The following PXMP2 variants were observed in gnomAD, a reference collection of about 807,000 sequenced individuals.
The protein encoded by PXMP2 is 22 kDa peroxisomal membrane protein.
PXMP2 carries 13 observed loss-of-function variants against 20.2 expected under a neutral mutation model. The ratio of observed to expected loss-of-function variants is 0.64; its 90% CI spans 0.42 to 1.02. PXMP2 has a LOEUF of 1.02. Ranked by LOEUF, PXMP2 falls within the 50% of genes least tolerant of loss-of-function variation. The probability of loss-of-function intolerance (pLI) is 0.00; values close to 1 mark genes in which losing one functional copy is unlikely to be tolerated. For synonymous variants in PXMP2, 113 were observed against 111.2 expected (o/e 1.02, Z -0.10); for missense variants, 284 against 251.8 (o/e 1.13, Z -0.87).
Position 132,687,768 on chromosome 12 carries a change from C to G in PXMP2, c.98C>G (p.Pro33Arg), listed in dbSNP as rs1450362330. 3 of 1,188,644 alleles carry G rather than the reference C, an allele frequency of 2.5e-6. No homozygotes were observed. The highest frequency in any genetic ancestry group is 4.1e-5 in the East Asian group (1 of 24,610). 73.6% of individuals were successfully genotyped at this position (1,188,644 alleles called of 1,614,324 possible). A position where few individuals can be genotyped will look rare whatever the true frequency, so the allele number is the denominator to read the frequency against. ...AQYLLFLRLY[P>R]VLTKAATSGI... Reference sequence around the variant, plus strand: ...TACCTGCTCTTCCTGCGGCTCTACCCGGTGCTCACCAAGGCGGCCACCAGG... The same window carrying G: ...TACCTGCTCTTCCTGCGGCTCTACCGGGTGCTCACCAAGGCGGCCACCAGG... Residue 33 changes from proline to arginine, a missense_variant, in exon 1 of 5, where the codon CCG (proline) becomes CGG (arginine). Pro to Arg is a moderately radical substitution (Grantham distance 103, BLOSUM62 -2). Coordinates refer to ENST00000317479, the MANE Select transcript of PXMP2 (RefSeq NM_018663.3).
chr12:132,701,008 G>T (rs1222663216), intron 3 of PXMP2, among the ~76,000 whole-genome samples: 1 of 152,104 alleles, frequency 6.6e-6, no homozygotes, highest in African/African-American at 2.4e-5. Flanking sequence ...AAGGAGTTTT[G>T]GGCCAGGACA....
At position 132,704,605 on chromosome 12, in the gene PXMP2, G is replaced by A; in HGVS notation, c.520-14G>A. On this transcript the variant is annotated splice_polypyrimidine_tract_variant and intron_variant, in intron 4 of 4. Transcript: ENST00000317479. Reference sequence around the variant, plus strand: ...CCCGCTGACCGTGGCCTGTTGGACTGTTCTTTTCGGCAGTTCCGGGTGCTC... The same window carrying A: ...CCCGCTGACCGTGGCCTGTTGGACTATTCTTTTCGGCAGTTCCGGGTGCTC... The A allele has an allele frequency of 1.4e-6, 2 of 1,435,514 alleles. No individual in the cohort carries two copies. 88.9% of individuals were successfully genotyped at this position (1,435,514 alleles called of 1,614,324 possible). A position where few individuals can be genotyped will look rare whatever the true frequency, so the allele number is the denominator to read the frequency against.
intron 4 of PXMP2, among the ~76,000 whole-genome samples, chr12:132,703,914 G>A (rs1489459899): frequency 1.3e-5 from 2 of 152,184 alleles, no homozygotes; most frequent in African/African-American, 2.4e-5. Flanking sequence ...CCGGGAACAC[G>A]GAGGATCTGG....
At chr12:132,701,610 C>A in intron 4 of PXMP2, 1 of 534,434 alleles carries the variant, frequency 1.9e-6, no homozygotes, top group Non-Finnish European at 3.2e-6. Flanking sequence ...AAGGGTGTCC[C>A]GAGTGGTCGT....
In PXMP2 at chr12:132,701,381, G is replaced by C; in HGVS notation, c.519+12G>C. 1.2e-6 allele frequency: 2 copies of C among 1,611,678 alleles called. No individual in the cohort carries two copies. Among genetic ancestry groups the C allele is most frequent in the Non-Finnish European group, 1.7e-6 (2 of 1,179,624 alleles). On this transcript the variant is annotated intron_variant, in intron 4 of 4. Coordinates refer to ENST00000317479, the MANE Select transcript of PXMP2 (RefSeq NM_018663.3). The stretch of plus-strand genomic sequence containing the variant: ...ACGTCCCTCTGAAGGTGAGGGCCAC[G>C]GGGCTCAGCCTCTGCTAACATTACT...
chr12:132,690,342 G>C lies in PXMP2; in HGVS notation c.202G>C (p.Asp68His). ...KRKKENSRSL[D>H]VGGPLRYAVY... The stretch of plus-strand genomic sequence containing the variant: ...GAAAAAAGAAAACTCTAGAAGTCTG[G>C]ATGTCGGTGGGCCTCTGAGATATGC... The change falls in exon 2 of 5, where the codon GAT (aspartate) becomes CAT (histidine). Residue 68 changes from aspartate to histidine, a missense_variant. Asp to His is a moderately conservative substitution (Grantham distance 81). Transcript: ENST00000317479. 1 of 1,614,080 alleles carries C rather than the reference G, an allele frequency of 6.2e-7. No individual in the cohort carries two copies. Among genetic ancestry groups the C allele is most frequent in the Non-Finnish European group, 8.5e-7 (1 of 1,179,964 alleles).
At position 132,704,722 on chromosome 12, in the gene PXMP2, G is replaced by T. The variant is rs368608933; in HGVS notation, c.*35G>T. Reference sequence around the variant, plus strand: ...GGAGAACATCAGGTGCACTGTGGACGTGGGTCTGGGGGTCTCACCCGCCCA... The same window carrying T: ...GGAGAACATCAGGTGCACTGTGGACTTGGGTCTGGGGGTCTCACCCGCCCA... On this transcript the variant is annotated 3_prime_UTR_variant, in exon 5 of 5. Coordinates refer to ENST00000317479, the MANE Select transcript of PXMP2 (RefSeq NM_018663.3). The T allele has an allele frequency of 1.9e-6, 3 of 1,587,274 alleles. No homozygotes were observed. The highest frequency in any genetic ancestry group is 1.3e-5 in the African/African-American group (1 of 74,270).
chr12:132,688,257 G>A (rs1203003479), intron 1 of PXMP2: 4 of 136,496 alleles, frequency 2.9e-5, no homozygotes, highest in African/African-American at 1.6e-4. Context: ...AAGACAGGGC[G>A]AGGGGAGCGG....
intron 3 of PXMP2, among the ~76,000 whole-genome samples, chr12:132,699,542 T>C (rs1251156163): frequency 2.7e-5 from 4 of 149,666 alleles, no homozygotes; most frequent in Admixed American, 1.3e-4. Flanking sequence ...TTTTTTTTTT[T>C]TTTTTTGACA....
intron 3 of PXMP2, among the ~76,000 whole-genome samples, chr12:132,697,916 C>G (rs1381089147): frequency 6.6e-6 from 1 of 152,144 alleles, no homozygotes; most frequent in Non-Finnish European, 1.5e-5. Flanking sequence ...TGTGTCTGTT[C>G]TGACTGTCCC....
intron 3 of PXMP2, among the ~76,000 whole-genome samples, chr12:132,697,393 T>C (rs1377688988): frequency 6.7e-6 from 1 of 150,018 alleles, no homozygotes; most frequent in Admixed American, 6.6e-5. Flanking sequence ...TGTAGTCCTA[T>C]TTTATTTATT....
At chr12:132,701,155 G>A (rs1160465590) in intron 3 of PXMP2, 95 bp from the exon 4 acceptor site, 2 of 1,531,472 alleles carry the variant, frequency 1.3e-6, no homozygotes, top group Non-Finnish European at 1.8e-6. Context: ...AAATCCAATA[G>A]CAGTTTAAAA....
intron 4 of PXMP2, 115 bp downstream of exon 4, chr12:132,701,484 TC>T (rs1251818941): frequency 4.5e-5 from 62 of 1,384,642 alleles, no homozygotes; most frequent in African/African-American, 3.4e-4. Flanking sequence ...TTCTCTTCTT[TC>T]TTTGGTAGTT....
chr12:132,690,701 A>G (rs1379869444), intron 2 of PXMP2, among the ~76,000 whole-genome samples: 1 of 152,100 alleles, frequency 6.6e-6, no homozygotes. Context: ...ACACACCGCC[A>G]TGCCCAGCTA....
intron 1 of PXMP2, 34 bp downstream of exon 1, chr12:132,687,826 G>T: frequency 8.9e-7 from 1 of 1,129,692 alleles, no homozygotes; most frequent in Non-Finnish European, 1.1e-6. Flanking sequence ...ACGCCGCCCC[G>T]GCCCCAGGTC....
chr12:132,701,283 A>T lies in PXMP2; in HGVS notation c.433A>T (p.Arg145Trp), dbSNP rs1555232627. Residue 145 changes from arginine (R) to tryptophan (W), a missense_variant, in exon 4 of 5, where the codon AGG becomes TGG. Coordinates refer to ENST00000317479, the MANE Select transcript of PXMP2 (RefSeq NM_018663.3). The part of the protein sequence containing the change: ...KDASAFAAKM[R>W]GGFWPALRMN... The stretch of plus-strand genomic sequence containing the variant: ...CGCCTCAGCCTTCGCCGCCAAGATG[A>T]GGGGGGGCTTCTGGCCGGCGCTGAG... 3 of 1,612,620 alleles carry T rather than the reference A, an allele frequency of 1.9e-6. No individual in the cohort carries two copies. The highest frequency in any genetic ancestry group is 2.5e-6 in the Non-Finnish European group (3 of 1,179,634).
rs1429286930 is a variant in PXMP2 at position 132,704,970 on chromosome 12, A to C, written c.*283A>C. 1 of 517,090 alleles carries C rather than the reference A, an allele frequency of 1.9e-6. No homozygotes were observed. The highest frequency in any genetic ancestry group is 2.0e-5 in the African/African-American group (1 of 50,994). The allele number at this position is 517,090 out of a possible 1,614,324, so 32.0% of individuals were successfully genotyped here. ...CCGAATTAGGATCACAATAAACGAT[A>C]ATGCAGGTTCTTCAATGGTGACTTT... On this transcript the variant is annotated 3_prime_UTR_variant, in exon 5 of 5. Coordinates refer to ENST00000317479, the MANE Select transcript of PXMP2 (RefSeq NM_018663.3).
intron 3 of PXMP2, among the ~76,000 whole-genome samples, chr12:132,700,841 T>G (rs888058402): frequency 1.4e-5 from 2 of 138,032 alleles, no homozygotes; most frequent in South Asian, 4.7e-4. Flanking sequence ...ATGAACTTAC[T>G]GGAGTCCTTT....
Position 132,696,109 on chromosome 12 carries a change from A to G in PXMP2, c.399+63A>G. ...TTAGCACAGGGATTCTTCACCTGAC[A>G]TTCTCGGCAGAATTCAGAGGGTCTG... On this transcript the variant is annotated intron_variant, in intron 3 of 4. Transcript: ENST00000317479. This position sits in a 1 kb window ranked among gnomAD's most constrained non-coding sequence, Gnocchi z 4.4. 1 of 1,471,438 alleles carries G rather than the reference A, an allele frequency of 6.8e-7. No homozygotes were observed. Among genetic ancestry groups the G allele is most frequent in the South Asian group, 1.4e-5 (1 of 70,320 alleles). 91.1% of individuals were successfully genotyped at this position (1,471,438 alleles called of 1,614,324 possible). A position where few individuals can be genotyped will look rare whatever the true frequency, so the allele number is the denominator to read the frequency against.
Sources: allele counts gnomAD v4.1 joint callset (sites outside exome capture counted in the v4.1 genomes callset), GRCh38; gene constraint gnomAD v4.1.1; non-coding constraint Gnocchi (gnomAD v3.1); transcripts MANE v1.5; gene names NCBI Gene and HGNC (gene_info 2026-07-23, HGNC 2026-07-21).